The following ANKIB1 variants were observed in gnomAD, a reference collection of about 807,000 sequenced individuals.
ANKIB1 encodes ankyrin repeat and IBR domain containing 1.
In ANKIB1, 43 loss-of-function variants were observed where a neutral mutation model predicts 122.1. That is an observed-to-expected ratio of 0.35 (90% CI 0.28 to 0.45). The LOEUF (loss-of-function observed/expected upper bound fraction) is 0.45, where lower values mean the gene tolerates loss of function less well. Among genes scored for constraint, ANKIB1 ranks in the 20% least tolerant of loss-of-function variants. The pLI is 1.00. For missense variants in ANKIB1, 992 were observed against 1,329.5 expected (o/e 0.75, Z 3.95); for synonymous variants, 390 against 442.0 (o/e 0.88, Z 1.48).
At chr7:92,359,852 G>A (rs1803903744) in intron 9 of ANKIB1, among the ~76,000 whole-genome samples, 1 of 152,100 alleles carries the variant, frequency 6.6e-6, no homozygotes, top group Non-Finnish European at 1.5e-5. Flanking sequence ...CGAACTCCTG[G>A]GCTCCATTGA....
At chr7:92,369,192 C>T (rs1231104546) in intron 10 of ANKIB1, among the ~76,000 whole-genome samples, 1 of 152,210 alleles carries the variant, frequency 6.6e-6, no homozygotes, top group Admixed American at 6.5e-5. Context: ...TAAGTTCCTT[C>T]TGAAACTCCT....
intron 9 of ANKIB1, among the ~76,000 whole-genome samples, chr7:92,355,873 A>G (rs935828556): frequency 6.8e-6 from 1 of 147,340 alleles, no homozygotes. Flanking sequence ...AATAATAATA[A>G]TAATAATAAT....
chr7:92,290,473 T>A (rs998751327), intron 1 of ANKIB1, among the ~76,000 whole-genome samples: 1 of 151,664 alleles, frequency 6.6e-6, no homozygotes, highest in Non-Finnish European at 1.5e-5. Context: ...AGTTGTAGAT[T>A]TAAGGTTGTT....
chr7:92,318,255 C>T (rs1033859557), intron 3 of ANKIB1, among the ~76,000 whole-genome samples: 1 of 152,110 alleles, frequency 6.6e-6, no homozygotes, highest in African/African-American at 2.4e-5. Flanking sequence ...GTGGCTCACA[C>T]CTTTAATCCT....
intron 2 of ANKIB1, among the ~76,000 whole-genome samples, chr7:92,295,718 T>C (rs1289690658): frequency 6.6e-6 from 1 of 152,136 alleles, no homozygotes; most frequent in Non-Finnish European, 1.5e-5. Context: ...GTTTCTAAAA[T>C]CCAAACATTT....
chr7:92,362,093 G>A, intron 9 of ANKIB1, 92 bp from the exon 10 acceptor site: 1 of 1,185,888 alleles, frequency 8.4e-7, no homozygotes, highest in Admixed American at 2.1e-5. Flanking sequence ...TTACAGGCAT[G>A]AGCCACCACG....
intron 14 of ANKIB1, among the ~76,000 whole-genome samples, chr7:92,389,565 A>T (rs1456286653): frequency 6.6e-6 from 1 of 152,118 alleles, no homozygotes; most frequent in African/African-American, 2.4e-5. Flanking sequence ...TTTTATAAGC[A>T]ACTTAGAAAA....
chr7:92,370,974 T>C (rs916819979), intron 10 of ANKIB1, among the ~76,000 whole-genome samples: 1 of 152,180 alleles, frequency 6.6e-6, no homozygotes, highest in African/African-American at 2.4e-5. Context: ...GTTTTAGATA[T>C]GTCACATTGA....
At chr7:92,396,555 G>T (rs1239262498) in intron 18 of ANKIB1, 79 bp downstream of exon 18, 8 of 725,386 alleles carry the variant, frequency 1.1e-5, no homozygotes, top group Non-Finnish European at 1.9e-5. Context: ...GTAAATTTTT[G>T]TGAACGAGTT....
intron 3 of ANKIB1, 116 bp from the exon 4 acceptor site, chr7:92,319,214 A>T: frequency 1.5e-6 from 1 of 646,240 alleles, no homozygotes; most frequent in Non-Finnish European, 2.6e-6. Flanking sequence ...TACATACTGT[A>T]CATACTGTTG....
At chr7:92,349,108 G>T (rs1562789297) in intron 7 of ANKIB1, among the ~76,000 whole-genome samples, 1 of 152,204 alleles carries the variant, frequency 6.6e-6, no homozygotes, top group Non-Finnish European at 1.5e-5. Flanking sequence ...ACTTGAGCAT[G>T]TTTATTGTGC....
intron 1 of ANKIB1, among the ~76,000 whole-genome samples, chr7:92,284,435 A>C (rs1421638581): frequency 6.6e-6 from 1 of 152,120 alleles, no homozygotes; most frequent in African/African-American, 2.4e-5. Flanking sequence ...TTCTGAGTGA[A>C]CTACACCAGT....
At chr7:92,251,355 T>C (rs1801325886) in intron 1 of ANKIB1, among the ~76,000 whole-genome samples, 1 of 152,290 alleles carries the variant, frequency 6.6e-6, no homozygotes, top group East Asian at 1.9e-4. Flanking sequence ...AATGCGTCCC[T>C]TCAGAGTATG....
chr7:92,366,675 A>G (rs980524597), intron 10 of ANKIB1, among the ~76,000 whole-genome samples: 2 of 152,132 alleles, frequency 1.3e-5, no homozygotes, highest in Non-Finnish European at 2.9e-5. Flanking sequence ...CAATTCTTCA[A>G]GTTCATTATA....
intron 17 of ANKIB1, chr7:92,396,113 T>C (rs1804884910): frequency 2.1e-6 from 1 of 471,880 alleles, no homozygotes; most frequent in Non-Finnish European, 3.8e-6. Context: ...AGGGCTGTTC[T>C]AATGTAGCAC....
In ANKIB1 at chr7:92,327,821, A is replaced by G. The variant is rs1364202865; in HGVS notation, c.708A>G (p.Leu236=). Residue 236 remains leucine (L), a synonymous_variant, in exon 5 of 20, where the codon CTA becomes CTG. Transcript: ENST00000265742. ...EGLRPQDLRR[L]KDMLIVETAD... is the part of the protein sequence containing the mutation. Reference sequence around the variant, plus strand: ...TAAGGCCTCAGGATCTTCGTAGACTAAAAGATATGCTTATTGTGGAAACTG... The same window carrying G: ...TAAGGCCTCAGGATCTTCGTAGACTGAAAGATATGCTTATTGTGGAAACTG... The G allele has an allele frequency of 1.9e-6, 3 of 1,588,776 alleles. No homozygotes were observed. The highest frequency in any genetic ancestry group is 1.4e-5 in the African/African-American group (1 of 73,042).
At chr7:92,343,565 C>G (rs888492590) in intron 6 of ANKIB1, among the ~76,000 whole-genome samples, 2 of 152,132 alleles carry the variant, frequency 1.3e-5, no homozygotes, top group Non-Finnish European at 2.9e-5. Flanking sequence ...CAGTAAGTAG[C>G]TCATGCCTAT....
In ANKIB1 at chr7:92,376,455, T is replaced by TA. The variant is rs1554348091; in HGVS notation, c.1617+4848_1617+4849insA. Among the ~76,000 whole-genome samples, 208 of 151,062 alleles carry TA rather than the reference T, an allele frequency of 1.4e-3. 1 individual carries two copies. The highest frequency in any genetic ancestry group is 4.7e-3 in the African/African-American group (196 of 41,276). On this transcript the variant is annotated intron_variant, in intron 11 of 19. Transcript: ENST00000265742. The stretch of plus-strand genomic sequence containing the variant: ...TTGCACTTTTTTTTTATTTTTTATT[T>TA]TTTTTTTTTTTGAGACAAAGTCTCG...
rs530032573 is a variant in ANKIB1, at chr7:92,384,783, G to A, written c.1618-1726G>A. ...TATTAGACCTAAAACCATAAAAACC[G>A]TAGAAGAAAAGCTAGGCAATACCAT... On this transcript the variant is annotated intron_variant, in intron 11 of 19. Transcript: ENST00000265742. 6.7e-4 allele frequency among the ~76,000 whole-genome samples: 102 copies of A among 152,136 alleles called. 1 individual carries two copies. The highest frequency in any genetic ancestry group is 2.0e-3 in the Admixed American group (31 of 15,258).
Sources: allele counts gnomAD v4.1 joint callset (sites outside exome capture counted in the v4.1 genomes callset), GRCh38; gene constraint gnomAD v4.1.1; transcripts MANE v1.5; gene names NCBI Gene and HGNC (gene_info 2026-07-23, HGNC 2026-07-21).